Variants in CNRIP1 observed in about 807,000 individuals in gnomAD.
CNRIP1 encodes CB1 cannabinoid receptor-interacting protein 1.
A neutral mutation model predicts 15.2 loss-of-function variants in CNRIP1; 10 were observed. That is an observed-to-expected ratio of 0.66 (90% CI 0.41 to 1.12). The LOEUF is 1.12. CNRIP1 is among the 50% of genes most tolerant of loss of function. CNRIP1 has a pLI of 0.00. For missense variants in CNRIP1, 211 were observed against 214.7 expected, an observed-to-expected ratio of 0.98 and a Z score of 0.11; for synonymous variants, 91 against 83.2, an observed-to-expected ratio of 1.09 and a Z score of -0.51.
Position 68,285,450 on chromosome 2 carries a change from G to A in CNRIP1, c.331-966C>T, listed in dbSNP as rs2103871946. On this transcript the variant is annotated intron_variant, in intron 2 of 2. Transcript: ENST00000409559. ...ATGTGGATTAGGCTTTTGATCAGAAGGCAGAATATTCGTGACCAGCCTGGG... is the reference window on the plus strand; with the variant it reads ...ATGTGGATTAGGCTTTTGATCAGAAAGCAGAATATTCGTGACCAGCCTGGG... Among the ~76,000 whole-genome samples, 3 of 152,182 alleles carry A rather than the reference G, an allele frequency of 2.0e-5. No individual in the cohort carries two copies. In the South Asian group the frequency reaches 6.2e-4, roughly 32 times the overall value.
intron 1 of CNRIP1, among the ~76,000 whole-genome samples, chr2:68,318,458 G>A (rs571638066): frequency 1.3e-5 from 2 of 152,258 alleles, no homozygotes; most frequent in East Asian, 3.9e-4. Context: ...TCCCGCCAGA[G>A]GTCTACTGGG....
chr2:68,289,742 A>G (rs1417392858), downstream of CNRIP1, among the ~76,000 whole-genome samples: 1 of 152,172 alleles, frequency 6.6e-6, no homozygotes, highest in Non-Finnish European at 1.5e-5. Context: ...TGGCCCCCCA[A>G]AGTGCTGGGA....
intron 2 of CNRIP1, among the ~76,000 whole-genome samples, chr2:68,299,522 A>G (rs184244558): frequency 6.6e-6 from 1 of 152,312 alleles, no homozygotes; most frequent in Admixed American, 6.5e-5. Flanking sequence ...GACCAAAAAG[A>G]GGGTCCTCAC....
intron 2 of CNRIP1, among the ~76,000 whole-genome samples, chr2:68,305,633 A>C (rs1430876666): frequency 2.0e-5 from 3 of 151,544 alleles, no homozygotes; most frequent in South Asian, 4.2e-4. Context: ...GTCTCTACTA[A>C]AAATACAAAA....
chr2:68,297,306 C>T (rs1457947033), intron 2 of CNRIP1, among the ~76,000 whole-genome samples: 1 of 152,086 alleles, frequency 6.6e-6, no homozygotes, highest in Non-Finnish European at 1.5e-5. Context: ...GTGGCTCATG[C>T]CTGTAATGCC....
intron 2 of CNRIP1, among the ~76,000 whole-genome samples, chr2:68,305,258 A>C (rs1671779091): frequency 2.3e-5 from 1 of 42,748 alleles, no homozygotes; most frequent in African/African-American, 7.2e-5. Flanking sequence ...AAAAAAAAAA[A>C]AATATATATA....
rs566354703 is a variant in CNRIP1 at position 68,284,592 on chromosome 2, T to C, written c.331-108A>G. 3.2e-4 allele frequency: 195 copies of C among 609,080 alleles called. 1 individual carries two copies. The highest frequency in any genetic ancestry group is 2.8e-3 in the Middle Eastern group (6 of 2,176). 37.7% of individuals were successfully genotyped at this position (609,080 alleles called of 1,614,324 possible). ...TTTGGGAGGCCAAGGCAGGCAGATC[T>C]CTTGAGGTCAGGAGTTCGAGACCAG... On this transcript the variant is annotated intron_variant, in intron 2 of 2. Coordinates refer to the CNRIP1 transcript ENST00000409559.
At chr2:68,296,060 A>G (rs2103621102) in intron 2 of CNRIP1, among the ~76,000 whole-genome samples, 1 of 152,356 alleles carries the variant, frequency 6.6e-6, no homozygotes, top group South Asian at 2.1e-4. Context: ...TTTATAATTT[A>G]TCTTAAGAAC....
rs962581226 is a variant in CNRIP1, at chr2:68,285,888, A to G, written c.331-1404T>C. On this transcript the variant is annotated intron_variant, in intron 2 of 2. Coordinates refer to the CNRIP1 transcript ENST00000409559. ...CCTGCTACCTTTTTGAGTGTATCCAAGCTTTATTTTAAGGCTTTAATCTTA... is the reference window on the plus strand; with the variant it reads ...CCTGCTACCTTTTTGAGTGTATCCAGGCTTTATTTTAAGGCTTTAATCTTA... Among the ~76,000 whole-genome samples the G allele has an allele frequency of 2.0e-5, 3 of 152,172 alleles. No individual in the cohort carries two copies. In the South Asian group the frequency reaches 6.2e-4, roughly 32 times the overall value.
chr2:68,319,503 G>A lies in CNRIP1; in HGVS notation c.-103C>T. On this transcript the variant is annotated 5_prime_UTR_variant, in exon 1 of 3. Coordinates refer to ENST00000263655, the MANE Select transcript of CNRIP1 (RefSeq NM_015463.3). ...GGGGCGGAGAGGAAGCGCGGGGAGGGTGAGGGAGGTGGTGGAGCTGAGGCT... is the reference window on the plus strand; with the variant it reads ...GGGGCGGAGAGGAAGCGCGGGGAGGATGAGGGAGGTGGTGGAGCTGAGGCT... 1 of 1,231,200 alleles carries A rather than the reference G, an allele frequency of 8.1e-7. No homozygotes were observed. Among genetic ancestry groups the A allele is most frequent in the Non-Finnish European group, 1.1e-6 (1 of 925,006 alleles). The allele number at this position is 1,231,200 out of a possible 1,614,324, so 76.3% of individuals were successfully genotyped here.
At chr2:68,317,929 T>C (rs1237979606) in intron 1 of CNRIP1, among the ~76,000 whole-genome samples, 1 of 151,788 alleles carries the variant, frequency 6.6e-6, no homozygotes, top group Non-Finnish European at 1.5e-5. Flanking sequence ...AAATCCTTGA[T>C]AGCATTAAAA....
chr2:68,305,745 G>A (rs1302637839), intron 2 of CNRIP1, among the ~76,000 whole-genome samples: 1 of 148,288 alleles, frequency 6.7e-6, no homozygotes, highest in African/African-American at 2.5e-5. Context: ...GCAGTAAGCC[G>A]AGATGGCACC....
intron 2 of CNRIP1, chr2:68,316,771 G>A: frequency 4.9e-6 from 2 of 407,468 alleles, no homozygotes; most frequent in South Asian, 3.6e-5. Flanking sequence ...TTAGCTTTAA[G>A]TAGCAAAGTG....
At chr2:68,311,227 A>G (rs1672062547) in intron 2 of CNRIP1, among the ~76,000 whole-genome samples, 1 of 152,192 alleles carries the variant, frequency 6.6e-6, no homozygotes, top group Non-Finnish European at 1.5e-5. Flanking sequence ...GTTAAGATGC[A>G]TCATAACCAA....
intron 2 of CNRIP1, among the ~76,000 whole-genome samples, chr2:68,295,778 G>A (rs920873258): frequency 2.6e-5 from 4 of 152,168 alleles, no homozygotes; most frequent in Non-Finnish European, 5.9e-5. Flanking sequence ...ACTTTTTAGG[G>A]GTGATGGAAG....
chr2:68,305,018 G>T (rs1573024004), intron 2 of CNRIP1, among the ~76,000 whole-genome samples: 1 of 152,082 alleles, frequency 6.6e-6, no homozygotes, highest in Admixed American at 6.5e-5. Context: ...GCCGAGGGGT[G>T]TGGATCACCT....
chr2:68,306,303 A>AG (rs1558666341), intron 2 of CNRIP1, among the ~76,000 whole-genome samples: 1 of 145,484 alleles, frequency 6.9e-6, no homozygotes, highest in Non-Finnish European at 1.5e-5. Flanking sequence ...ACAGCCTGGT[A>AG]ATAGTGAGAT....
At chr2:68,305,629 A>G (rs1160329679) in intron 2 of CNRIP1, among the ~76,000 whole-genome samples, 1 of 151,158 alleles carries the variant, frequency 6.6e-6, no homozygotes, top group African/African-American at 2.4e-5. Context: ...CCCCGTCTCT[A>G]CTAAAAATAC....
At position 68,319,341 on chromosome 2, in the gene CNRIP1, G is replaced by T. The variant is rs1672405450; in HGVS notation, c.60C>A (p.Asp20Glu). The T allele has an allele frequency of 1.9e-6, 3 of 1,576,838 alleles. No individual in the cohort carries two copies. Among genetic ancestry groups the T allele is most frequent in the Non-Finnish European group, 2.6e-6 (3 of 1,161,352 alleles). Residue 20 changes from aspartate to glutamate, a missense_variant, in exon 1 of 3, where the codon GAC becomes GAA. Asp to Glu is a conservative substitution (Grantham distance 45). Transcript: ENST00000263655. ...CGTCCACCTTGTAAAAGACCGGGCC[G>T]TCATTAGGCTGGATGCGCAGCGCGA... is the stretch of plus-strand genomic sequence containing the variant. ...LSIALRIQPN[D>E]GPVFYKVDGQ...
Sources: allele counts gnomAD v4.1 joint callset (sites outside exome capture counted in the v4.1 genomes callset), GRCh38; gene constraint gnomAD v4.1.1; transcripts MANE v1.5; gene names NCBI Gene and HGNC (gene_info 2026-07-23, HGNC 2026-07-21).